The following CMTR2 variants were observed in gnomAD, a reference collection of about 807,000 sequenced individuals.
The protein encoded by CMTR2 is cap-specific mRNA (nucleoside-2'-O-)-methyltransferase 2.
A neutral mutation model predicts 49.8 loss-of-function variants in CMTR2; 40 were observed. The ratio of observed to expected loss-of-function variants is 0.80; its 90% confidence interval spans 0.62 to 1.04. The LOEUF (loss-of-function observed/expected upper bound fraction) is 1.04. CMTR2 is among the 50% of genes least tolerant of loss of function. The probability of loss-of-function intolerance (pLI) is 0.00; values close to 1 mark genes in which losing one functional copy is unlikely to be tolerated. For missense variants in CMTR2, 907 were observed against 897.2 expected, an observed-to-expected ratio of 1.01 and a Z score of -0.14; for synonymous variants, 326 against 315.8, an observed-to-expected ratio of 1.03 and a Z score of -0.34.
Position 71,285,254 on chromosome 16 carries a change from T to C in CMTR2, c.667A>G (p.Ile223Val), listed in dbSNP as rs1053338991. ...AAGTGAACAGTAGCCATGCTGCTTATGAAATTCTGAAGTCCAGTCAAGAAT... is the reference window on the plus strand; with the variant it reads ...AAGTGAACAGTAGCCATGCTGCTTACGAAATTCTGAAGTCCAGTCAAGAAT... ...LKFLTGLQNF[I>V]SSMATVHLVT... is the part of the protein sequence containing the mutation. Residue 223 changes from isoleucine (I) to valine (V), a missense_variant, in exon 3 of 3, where the codon ATA becomes GTA. Coordinates refer to ENST00000434935, the MANE Select transcript of CMTR2 (RefSeq NM_018348.6). 4 of 1,614,032 alleles carry C rather than the reference T, an allele frequency of 2.5e-6. No homozygotes were observed. In the Admixed American group the frequency reaches 5.0e-5, roughly 20 times the overall value.
Position 71,284,739 on chromosome 16 carries a change from A to G in CMTR2, c.1182T>C (p.Asn394=). The G allele has an allele frequency of 1.2e-6, 2 of 1,613,618 alleles. No individual in the cohort carries two copies. The highest frequency in any genetic ancestry group is 2.2e-5 in the South Asian group (2 of 91,060). ...CMGKAEQEKL[N]NLRDCAIQYF... ...ATTGTATAGCACAATCCCTTAAATT[A>G]TTCAGCTTTTCTTGTTCCGCCTTTC... is the stretch of plus-strand genomic sequence containing the variant. Residue 394 remains asparagine, a synonymous_variant, in exon 3 of 3, where the codon AAT becomes AAC. Coordinates refer to ENST00000434935, the MANE Select transcript of CMTR2 (RefSeq NM_018348.6).
chr16:71,283,991 T>A lies in CMTR2; in HGVS notation c.1930A>T (p.Ile644Phe). The A allele has an allele frequency of 6.2e-7, 1 of 1,613,940 alleles. No individual in the cohort carries two copies. The highest frequency in any genetic ancestry group is 8.5e-7 in the Non-Finnish European group (1 of 1,179,900). ...GTGAAGCAAGAAAGTACAGGCAAAATCATAACATCTCCTGTATGAAGCTCC... is the reference window on the plus strand; with the variant it reads ...GTGAAGCAAGAAAGTACAGGCAAAAACATAACATCTCCTGTATGAAGCTCC... The part of the protein sequence containing the change: ...LRELHTGDVM[I>F]LPVLSCFTRF... The change falls in exon 3 of 3, where the codon ATT becomes TTT. Residue 644 changes from isoleucine (I) to phenylalanine (F), a missense_variant. Ile to Phe is a conservative substitution (Grantham distance 21). Transcript: ENST00000434935.
In CMTR2 at chr16:71,284,708, T is replaced by A. The variant is rs1567505892; in HGVS notation, c.1213A>T (p.Met405Leu). Residue 405 changes from methionine to leucine, a missense_variant, in exon 3 of 3, where the codon ATG (methionine) becomes TTG (leucine). By Grantham distance (15) the Met-to-Leu change is conservative (BLOSUM62 2). Coordinates refer to ENST00000434935, the MANE Select transcript of CMTR2 (RefSeq NM_018348.6). ...NLRDCAIQYF[M>L]QKFQLKHLSR... is the part of the protein sequence containing the mutation. ...AGATGTTTCAGTTGAAATTTTTGCA[T>A]AAAATATTGTATAGCACAATCCCTT... 1 of 1,613,100 alleles carries A rather than the reference T, an allele frequency of 6.2e-7. No individual in the cohort carries two copies. Among genetic ancestry groups the A allele is most frequent in the South Asian group, 1.1e-5 (1 of 90,826 alleles).
At chr16:71,287,456 G>T (rs529708189) in intron 2 of CMTR2, 2 of 152,180 alleles carry the variant, frequency 1.3e-5, no homozygotes, top group South Asian at 2.1e-4. Flanking sequence ...TTGAGACAGG[G>T]TCTCACTCTG....
chr16:71,286,921 C>G (rs751086769), intron 2 of CMTR2: 5 of 151,742 alleles, frequency 3.3e-5, no homozygotes, highest in Non-Finnish European at 7.4e-5. Flanking sequence ...TCAACACTGC[C>G]AAAGAAACCA....
rs150318375 is a variant in CMTR2, at chr16:71,282,587, G to A, written c.*1021C>T. 8.5e-5 allele frequency: 13 copies of A among 152,160 alleles called. No individual in the cohort carries two copies. The East Asian group carries it at 2.1e-3, about 25-fold the overall frequency. 9.4% of individuals were successfully genotyped at this position (152,160 alleles called of 1,614,324 possible). ...ATTGCAGATACAAAAGAAATCAAAT[G>A]TAACTGGCAAAATAACCATTTCATG... On this transcript the variant is annotated 3_prime_UTR_variant, in exon 3 of 3. Coordinates refer to ENST00000434935, the MANE Select transcript of CMTR2 (RefSeq NM_018348.6).
In CMTR2 at chr16:71,282,422, T is replaced by A. The variant is rs1178518273; in HGVS notation, c.*1186A>T. 6.6e-6 allele frequency: 1 copy of A among 152,052 alleles called. No homozygotes were observed. Among genetic ancestry groups the A allele is most frequent in the Non-Finnish European group, 1.5e-5 (1 of 67,938 alleles). The allele number at this position is 152,052 out of a possible 1,614,324, so 9.4% of individuals were successfully genotyped here. A position where few individuals can be genotyped will look rare whatever the true frequency, so the allele number is the denominator to read the frequency against. On this transcript the variant is annotated 3_prime_UTR_variant, in exon 3 of 3. Coordinates refer to ENST00000434935, the MANE Select transcript of CMTR2 (RefSeq NM_018348.6). ...CAGAAAATACATCTATTTTCACATA[T>A]CAAAAGTGCCTAAAATGCATGTGAG...
Sources: gnomAD v4.1 joint callset for allele counts on GRCh38, gnomAD v4.1.1 for gene constraint, MANE v1.5 for transcripts, NCBI Gene and HGNC (gene_info 2026-07-23, HGNC 2026-07-21) for gene names.